Variants in CADM2 observed in about 807,000 individuals in gnomAD.
CADM2 encodes the protein cell adhesion molecule 2.
In CADM2, 12 loss-of-function variants were observed where a neutral mutation model predicts 49.8. That is an observed-to-expected ratio of 0.24 (90% confidence interval 0.15 to 0.39). The LOEUF is 0.39. Ranked by LOEUF, CADM2 falls within the 10% of genes least tolerant of loss-of-function variation. The pLI is 1.00. For missense variants in CADM2, 378 were observed against 492.3 expected (o/e 0.77, Z 2.20); for synonymous variants, 214 against 175.4 (o/e 1.22, Z -1.74).
chr3:85,197,021 A>G (rs918372778), intron 1 of CADM2, among the ~76,000 whole-genome samples: 2 of 151,952 alleles, frequency 1.3e-5, no homozygotes, highest in Non-Finnish European at 2.9e-5. Context: ...GGCCTAGGGA[A>G]AACCTTTGCT....
rs928369274 is a variant in CADM2 at position 85,249,454 on chromosome 3, C to CA, written c.61+289796dup. 2.7e-3 allele frequency among the ~76,000 whole-genome samples: 395 copies of CA among 145,686 alleles called. 2 individuals carry two copies. The highest frequency in any genetic ancestry group is 8.8e-3 in the African/African-American group (350 of 39,928). ...TTCTCACCAATTTCAAACATCTTGA[C>CA]AAAAAAAAAATTGCTGGGATTTAAA... On this transcript the variant is annotated intron_variant, in intron 1 of 9. Transcript: ENST00000383699.
chr3:85,495,232 T>C (rs2039839454), intron 1 of CADM2, among the ~76,000 whole-genome samples: 1 of 152,198 alleles, frequency 6.6e-6, no homozygotes. Context: ...GAGTGACGAC[T>C]AATGTTAATT....
chr3:85,562,199 T>C (rs1373135520), intron 1 of CADM2, among the ~76,000 whole-genome samples: 1 of 151,974 alleles, frequency 6.6e-6, no homozygotes, highest in Non-Finnish European at 1.5e-5. Context: ...ATTGTAAAAT[T>C]AAGATAAGAG....
chr3:85,598,038 A>G (rs1188059530), intron 1 of CADM2, among the ~76,000 whole-genome samples: 1 of 152,084 alleles, frequency 6.6e-6, no homozygotes, highest in Non-Finnish European at 1.5e-5. Flanking sequence ...GCTTTAGATT[A>G]CATCCTAAAT....
chr3:85,557,124 C>T (rs1403151405), intron 1 of CADM2, among the ~76,000 whole-genome samples: 1 of 151,952 alleles, frequency 6.6e-6, no homozygotes, highest in Non-Finnish European at 1.5e-5. Context: ...ATGTCACAAT[C>T]AGATTTATCT....
chr3:85,445,484 A>T (rs907357134), intron 1 of CADM2, among the ~76,000 whole-genome samples: 55 of 152,084 alleles, frequency 3.6e-4, no homozygotes, highest in African/African-American at 1.3e-3. Flanking sequence ...ATAATATTAT[A>T]ATATGTACAT....
chr3:85,937,418 G>T (rs1000647042), intron 7 of CADM2, among the ~76,000 whole-genome samples: 5 of 151,802 alleles, frequency 3.3e-5, no homozygotes, highest in Admixed American at 6.6e-5. Context: ...AATAAGAAAG[G>T]CTCCCTATTT....
intron 1 of CADM2, among the ~76,000 whole-genome samples, chr3:85,152,298 G>C (rs948828476): frequency 2.0e-5 from 3 of 152,082 alleles, no homozygotes; most frequent in African/African-American, 7.2e-5. Context: ...TCTGTATGTG[G>C]GTGAGTGTAC....
At chr3:85,049,377 G>A (rs1576114211) in intron 1 of CADM2, among the ~76,000 whole-genome samples, 1 of 134,804 alleles carries the variant, frequency 7.4e-6, no homozygotes, top group Non-Finnish European at 1.5e-5. Context: ...TTGAGATGGA[G>A]TCTCACACAG....
intron 1 of CADM2, among the ~76,000 whole-genome samples, chr3:84,970,928 C>A (rs569579515): frequency 5.9e-5 from 9 of 152,142 alleles, no homozygotes; most frequent in African/African-American, 2.2e-4. Context: ...GACTATTTCA[C>A]TGTTTCAGTG....
chr3:85,519,033 TATTA>T (rs2060969623), intron 1 of CADM2, among the ~76,000 whole-genome samples: 1 of 152,152 alleles, frequency 6.6e-6, no homozygotes. Flanking sequence ...ATATTTGTTT[TATTA>T]ATTCCCTTTA....
At chr3:85,775,893 TAGA>T (rs1205134349) in intron 2 of CADM2, among the ~76,000 whole-genome samples, 29 of 152,040 alleles carry the variant, frequency 1.9e-4, no homozygotes, top group African/African-American at 7.0e-4. Context: ...ATTTGAAAAG[TAGA>T]AGATTTTTAT....
chr3:85,085,178 C>A (rs2037320906), intron 1 of CADM2, among the ~76,000 whole-genome samples: 1 of 151,998 alleles, frequency 6.6e-6, no homozygotes, highest in Admixed American at 6.6e-5. Flanking sequence ...TTCAGCCTAA[C>A]TGAAACTTTG....
At chr3:85,414,975 A>G (rs4856569) in intron 1 of CADM2, among the ~76,000 whole-genome samples, 76,276 of 152,074 alleles carry the variant, frequency 0.5, 22,289 homozygotes, top group East Asian at 0.83. Context: ...AGTTTAAAAA[A>G]GTAAATCACG....
chr3:85,062,573 T>G (rs2107448666), intron 1 of CADM2, among the ~76,000 whole-genome samples: 1 of 152,014 alleles, frequency 6.6e-6, no homozygotes, highest in Non-Finnish European at 1.5e-5. Context: ...AAATTTTTAT[T>G]TAAAGGCACT....
At chr3:84,974,929 C>A (rs768785701) in intron 1 of CADM2, among the ~76,000 whole-genome samples, 109 of 151,652 alleles carry the variant, frequency 7.2e-4, no homozygotes, top group Non-Finnish European at 1.3e-3. Flanking sequence ...CATTTTTGTA[C>A]AGTTTGGGTT....
intron 1 of CADM2, among the ~76,000 whole-genome samples, chr3:85,147,550 A>G (rs138350760): frequency 1.3e-5 from 2 of 152,180 alleles, no homozygotes; most frequent in African/African-American, 4.8e-5. Flanking sequence ...ATGTAATGCT[A>G]TTGATTTATC....
intron 3 of CADM2, among the ~76,000 whole-genome samples, chr3:85,859,380 G>T (rs548330483): frequency 6.6e-6 from 1 of 151,612 alleles, no homozygotes; most frequent in Non-Finnish European, 1.5e-5. Context: ...ACAGGCATGC[G>T]TCACCACGCC....
intron 1 of CADM2, among the ~76,000 whole-genome samples, chr3:85,128,803 A>G (rs72907107): frequency 0.036 from 5,443 of 152,272 alleles, 351 homozygotes; most frequent in African/African-American, 0.12. Flanking sequence ...AAGAAATAAA[A>G]GCAGAGTTTT....
Sources: allele counts gnomAD v4.1 joint callset (sites outside exome capture counted in the v4.1 genomes callset), GRCh38; gene constraint gnomAD v4.1.1; transcripts MANE v1.5; gene names NCBI Gene and HGNC (gene_info 2026-07-23, HGNC 2026-07-21).